IARS1: variants seen among roughly 807,000 people sequenced by gnomAD.
The protein encoded by IARS1 is isoleucyl-tRNA synthetase 1.
Under a neutral mutation model 168.2 loss-of-function variants are expected in IARS1, and 124 were observed. The ratio of observed to expected loss-of-function variants is 0.74; its 90% CI spans 0.64 to 0.86. The LOEUF is 0.86. Ranked by LOEUF, IARS1 falls within the 40% of genes least tolerant of loss-of-function variation. The probability of loss-of-function intolerance (pLI) is 0.00; values close to 1 mark genes in which losing one functional copy is unlikely to be tolerated. For synonymous variants in IARS1, 532 were observed against 529.4 expected, an observed-to-expected ratio of 1.00 and a Z score of -0.07; for missense variants, 1,452 against 1,515.8, an observed-to-expected ratio of 0.96 and a Z score of 0.70.
At position 92,250,199 on chromosome 9, in the gene IARS1, A is replaced by C. The variant is rs527871815; in HGVS notation, c.2520T>G (p.Thr840=). 1.9e-5 allele frequency: 30 copies of C among 1,602,228 alleles called. No individual in the cohort carries two copies. Among genetic ancestry groups the C allele is most frequent in the African/African-American group, 2.7e-5 (2 of 74,708 alleles). The part of the protein sequence containing the change: ...ELGRVIRDRK[T]IPIKYPLKEI... Reference sequence around the variant, plus strand: ...TAAAATTTCAAACCTTTATGGGAATAGTTTTTCGGTCTCTGATCACTCTTC... The same window carrying C: ...TAAAATTTCAAACCTTTATGGGAATCGTTTTTCGGTCTCTGATCACTCTTC... The change falls in exon 24 of 34, where the codon ACT becomes ACG. Residue 840 remains threonine, a synonymous_variant. Transcript: ENST00000443024.
At chr9:92,283,537 G>A (rs144205179) in intron 6 of IARS1, among the ~76,000 whole-genome samples, 4,667 of 152,212 alleles carry the variant, frequency 0.031, 113 homozygotes, top group South Asian at 0.079. Context: ...CCAGCTACTC[G>A]GGAGGCTGAG....
At chr9:92,244,125 G>C (rs10761150) in intron 27 of IARS1, among the ~76,000 whole-genome samples, 61,477 of 148,108 alleles carry the variant, frequency 0.42, 14,677 homozygotes, top group African/African-American at 0.67. Flanking sequence ...AAGAAACTCA[G>C]AAGCATCACA....
At chr9:92,271,826 T>C (rs1489204817) in intron 10 of IARS1, among the ~76,000 whole-genome samples, 171 bp from the exon 11 acceptor site, 2 of 152,230 alleles carry the variant, frequency 1.3e-5, no homozygotes, top group Non-Finnish European at 2.9e-5. Flanking sequence ...ACCCTCACAG[T>C]TGGACAGGGG....
chr9:92,274,607 A>G, intron 9 of IARS1, 86 bp from the exon 10 acceptor site: 1 of 898,516 alleles, frequency 1.1e-6, no homozygotes, highest in Non-Finnish European at 1.8e-6. Flanking sequence ...TAAGAACCTG[A>G]AAATGCTTTT....
rs944492930 is a variant in IARS1 at position 92,220,963 on chromosome 9, C to G, written c.3706+1557G>C. 2.1e-4 allele frequency among the ~76,000 whole-genome samples: 32 copies of G among 151,886 alleles called. 1 individual carries two copies. Among genetic ancestry groups the G allele is most frequent in the Non-Finnish European group, 1.2e-4 (8 of 68,006 alleles). ...TGCGTGACAGAACAAGACCAAGTCT[C>G]AAAAACAAAACAAAACAAAACAAAA... On this transcript the variant is annotated intron_variant, in intron 33 of 33. Coordinates refer to ENST00000443024, the MANE Select transcript of IARS1 (RefSeq NM_002161.6).
At chr9:92,255,168 C>T (rs753901796) in intron 20 of IARS1, among the ~76,000 whole-genome samples, 2 of 152,184 alleles carry the variant, frequency 1.3e-5, no homozygotes, top group African/African-American at 2.4e-5. Context: ...GCTGGACTGT[C>T]GTGATCCTTC....
chr9:92,265,367 C>CA, intron 15 of IARS1, 113 bp downstream of exon 15: 1 of 1,022,384 alleles, frequency 9.8e-7, no homozygotes, highest in Non-Finnish European at 1.5e-6. Context: ...GAGTCATCAG[C>CA]AAAGTAATTC....
rs376865527 is a variant in IARS1, at chr9:92,258,954, C to T, written c.1916G>A (p.Arg639His). The change falls in exon 19 of 34, where the codon CGC (arginine) becomes CAC (histidine). Residue 639 changes from arginine (R) to histidine (H), a missense_variant. Arg to His is a conservative substitution (Grantham distance 29, BLOSUM62 0). Transcript: ENST00000443024. ...NSPVVRAENL[R>H]FKEEGVRDVL... Reference sequence around the variant, plus strand: ...GTCCCGCACACCCTCTTCTTTAAAGCGGAGGTTTTCTGCTCTCACCACAGG... The same window carrying T: ...GTCCCGCACACCCTCTTCTTTAAAGTGGAGGTTTTCTGCTCTCACCACAGG... 1.5e-5 allele frequency: 24 copies of T among 1,613,552 alleles called. No homozygotes were observed. The highest frequency in any genetic ancestry group is 1.6e-4 in the Middle Eastern group (1 of 6,076).
chr9:92,284,048 T>A (rs1226448144), intron 6 of IARS1, among the ~76,000 whole-genome samples: 1 of 152,118 alleles, frequency 6.6e-6, no homozygotes, highest in East Asian at 1.9e-4. Context: ...TATGGTGGTA[T>A]GTTCCTGTAG....
At chr9:92,237,621 G>GT (rs1469571092) in intron 30 of IARS1, among the ~76,000 whole-genome samples, 1 of 152,114 alleles carries the variant, frequency 6.6e-6, no homozygotes, top group Non-Finnish European at 1.5e-5. Flanking sequence ...TTTATTTCAT[G>GT]TATTTTGTAA....
rs577248217 is a variant in IARS1 at position 92,286,811 on chromosome 9, T to C, written c.397-193A>G. On this transcript the variant is annotated intron_variant, in intron 4 of 33. Coordinates refer to ENST00000443024, the MANE Select transcript of IARS1 (RefSeq NM_002161.6). ...CAGTTTTCTCGGCATTCATCCTACA[T>C]GCACAAAATGTTATTTACAAGTATA... 3.7e-4 allele frequency among the ~76,000 whole-genome samples: 56 copies of C among 152,314 alleles called. 2 individuals carry two copies. The South Asian group carries it at 0.012, about 32-fold the overall frequency.
chr9:92,253,405 A>G lies in IARS1; in HGVS notation c.2186T>C (p.Ile729Thr), dbSNP rs372260122. 51 of 1,613,798 alleles carry G rather than the reference A, an allele frequency of 3.2e-5. No homozygotes were observed. Among genetic ancestry groups the G allele is most frequent in the Admixed American group, 5.0e-5 (3 of 60,006 alleles). ...VVPRLVKFVD[I>T]LTNWYVRMNR... ...CATTCTAACATACCAATTGGTCAGA[A>G]TATCTACAAACTTGACCAGGCGAGG... The change falls in exon 21 of 34, where the codon ATT becomes ACT. Residue 729 changes from isoleucine to threonine, a missense_variant. By Grantham distance (89) the Ile-to-Thr change is moderately conservative. Transcript: ENST00000443024.
At chr9:92,260,737 G>C (rs190798668) in intron 17 of IARS1, among the ~76,000 whole-genome samples, 2 of 152,084 alleles carry the variant, frequency 1.3e-5, no homozygotes, top group East Asian at 1.9e-4. Flanking sequence ...ATCATACTAA[G>C]TCCATGAGGA....
chr9:92,274,560 T>A, intron 9 of IARS1, 39 bp from the exon 10 acceptor site: 1 of 1,396,510 alleles, frequency 7.2e-7, no homozygotes, highest in Non-Finnish European at 1.0e-6. Context: ...GATGAAACAT[T>A]ACTGTGTTAC....
At chr9:92,238,142 G>A (rs998287323) in intron 30 of IARS1, among the ~76,000 whole-genome samples, 1 of 152,182 alleles carries the variant, frequency 6.6e-6, no homozygotes, top group Non-Finnish European at 1.5e-5. Context: ...TTGACCTCAG[G>A]TGATCCGCCT....
At chr9:92,292,181 C>CTTTTTTTTTTTTTTT (rs57075703) in intron 1 of IARS1, among the ~76,000 whole-genome samples, 11 of 118,024 alleles carry the variant, frequency 9.3e-5, no homozygotes, top group African/African-American at 3.5e-4. Flanking sequence ...CCACACTCAG[C>CTTTTTTTTTTTTTTT]TTTTTTTTTT....
intron 6 of IARS1, among the ~76,000 whole-genome samples, chr9:92,281,576 C>T (rs1209928834): frequency 1.3e-5 from 2 of 151,948 alleles, no homozygotes; most frequent in African/African-American, 4.8e-5. Flanking sequence ...GCCCAAAATA[C>T]CAAAAAGATC....
At chr9:92,273,884 G>A (rs1480668279) in intron 10 of IARS1, among the ~76,000 whole-genome samples, 1 of 152,240 alleles carries the variant, frequency 6.6e-6, no homozygotes, top group Admixed American at 6.5e-5. Context: ...AAGAAGTCCA[G>A]ATAGGCCAGG....
In IARS1 at chr9:92,228,363, G is replaced by T. The variant is rs545946402; in HGVS notation, c.3409+638C>A. Among the ~76,000 whole-genome samples, 143 of 152,006 alleles carry T rather than the reference G, an allele frequency of 9.4e-4. 1 individual carries two copies. Among genetic ancestry groups the T allele is most frequent in the Non-Finnish European group, 1.1e-3 (77 of 67,972 alleles). On this transcript the variant is annotated intron_variant, in intron 31 of 33. Transcript: ENST00000443024. ...CTATAATTCTTTAAAAATTTTTCAG[G>T]TTTGCTTTATTGAGAATCCAGACTT...
Sources: allele counts gnomAD v4.1 joint callset (sites outside exome capture counted in the v4.1 genomes callset), GRCh38; gene constraint gnomAD v4.1.1; transcripts MANE v1.5; gene names NCBI Gene and HGNC (gene_info 2026-07-23, HGNC 2026-07-21).